Variants in TMC1 observed in about 807,000 individuals in gnomAD.
TMC1 encodes transmembrane channel-like protein 1.
In TMC1, 84 loss-of-function variants were observed where a neutral mutation model predicts 105.8. The ratio of observed to expected loss-of-function variants is 0.79; its 90% confidence interval spans 0.67 to 0.95. The LOEUF (loss-of-function observed/expected upper bound fraction) is 0.95, where lower values mean the gene tolerates loss of function less well. Among genes scored for constraint, TMC1 ranks in the 40% least tolerant of loss-of-function variants. The pLI is 0.00. For synonymous variants in TMC1, 315 were observed against 311.5 expected (o/e 1.01, Z -0.12); for missense variants, 817 against 914.1 (o/e 0.89, Z 1.37).
intron 8 of TMC1, among the ~76,000 whole-genome samples, chr9:72,703,939 ACTTAT>A (rs1343784942): frequency 6.6e-6 from 1 of 152,114 alleles, no homozygotes; most frequent in African/African-American, 2.4e-5. Context: ...TAAGTGCCTG[ACTTAT>A]CTCTCTTTGA....
rs1826087881 is a variant in TMC1, at chr9:72,669,068, G to T, written c.17-19641G>T. Reference sequence around the variant, plus strand: ...GCTTGTAATCCCAGCACTTTGGGAGGCTGAGGTGGGGCAGATCACCTGAGG... The same window carrying T: ...GCTTGTAATCCCAGCACTTTGGGAGTCTGAGGTGGGGCAGATCACCTGAGG... On this transcript the variant is annotated intron_variant, in intron 5 of 23. Transcript: ENST00000297784. Among the ~76,000 whole-genome samples, 6 of 152,306 alleles carry T rather than the reference G, an allele frequency of 3.9e-5. No individual in the cohort carries two copies. The South Asian group carries it at 1.2e-3, about 32-fold the overall frequency.
chr9:72,706,328 A>C (rs999742512), intron 8 of TMC1, among the ~76,000 whole-genome samples: 10 of 152,210 alleles, frequency 6.6e-5, no homozygotes, highest in African/African-American at 2.4e-4. Flanking sequence ...GAGGACATTT[A>C]AGCGTGTGAA....
chr9:72,784,876 G>C (rs1159132438), intron 13 of TMC1, among the ~76,000 whole-genome samples: 1 of 152,140 alleles, frequency 6.6e-6, no homozygotes, highest in African/African-American at 2.4e-5. Context: ...ACTTGTAAAT[G>C]GAAGCTAAAC....
At chr9:72,723,190 A>G (rs1423300052) in intron 8 of TMC1, among the ~76,000 whole-genome samples, 1 of 152,194 alleles carries the variant, frequency 6.6e-6, no homozygotes, top group African/African-American at 2.4e-5. Flanking sequence ...ACTGCTAGCT[A>G]AATGATTTTT....
At chr9:72,614,926 C>T (rs1393755436) in intron 2 of TMC1, among the ~76,000 whole-genome samples, 2 of 152,260 alleles carry the variant, frequency 1.3e-5, no homozygotes, top group African/African-American at 4.8e-5. Context: ...GCAATCCACC[C>T]GCCTTGGCTT....
At chr9:72,638,101 A>G (rs1314166679) in intron 4 of TMC1, among the ~76,000 whole-genome samples, 5 of 152,016 alleles carry the variant, frequency 3.3e-5, no homozygotes, top group Admixed American at 6.6e-5. Context: ...GATCTGCTCA[A>G]AGACAACTTA....
chr9:72,550,991 T>C (rs1050531558), intron 1 of TMC1, among the ~76,000 whole-genome samples: 6 of 152,184 alleles, frequency 3.9e-5, no homozygotes, highest in African/African-American at 1.4e-4. Context: ...TTGAGATCAG[T>C]CAGATTTACA....
chr9:72,724,077 A>G (rs1827076360), intron 8 of TMC1, among the ~76,000 whole-genome samples: 2 of 152,206 alleles, frequency 1.3e-5, no homozygotes, highest in African/African-American at 4.8e-5. Flanking sequence ...ATATTCAAAG[A>G]TGTTTTCCAA....
intron 2 of TMC1, among the ~76,000 whole-genome samples, chr9:72,586,530 A>T (rs1824556576): frequency 6.6e-6 from 1 of 152,168 alleles, no homozygotes; most frequent in South Asian, 2.1e-4. Context: ...CAGAGAGATG[A>T]ATAAGGAAAA....
intron 4 of TMC1, among the ~76,000 whole-genome samples, chr9:72,634,519 G>A: frequency 6.6e-6 from 1 of 152,166 alleles, no homozygotes; most frequent in East Asian, 1.9e-4. Flanking sequence ...CCCCCACCAA[G>A]GAGGGCATTA....
chr9:72,647,087 A>C (rs1825726301), intron 4 of TMC1, among the ~76,000 whole-genome samples: 1 of 149,268 alleles, frequency 6.7e-6, no homozygotes, highest in African/African-American at 2.5e-5. Flanking sequence ...GGTTGCAGTG[A>C]GCTGAGAGCA....
chr9:72,679,938 T>A (rs1169555458), intron 5 of TMC1, among the ~76,000 whole-genome samples: 1 of 152,084 alleles, frequency 6.6e-6, no homozygotes, highest in Non-Finnish European at 1.5e-5. Context: ...GATTCCTGGG[T>A]GTACAGTGCC....
intron 1 of TMC1, among the ~76,000 whole-genome samples, chr9:72,544,602 C>A (rs1467678782): frequency 2.7e-5 from 4 of 150,590 alleles, no homozygotes; most frequent in Non-Finnish European, 5.9e-5. Context: ...GACTCAGCGT[C>A]CTGAGTAACT....
chr9:72,711,215 C>T (rs1826829832), intron 8 of TMC1, among the ~76,000 whole-genome samples: 3 of 152,146 alleles, frequency 2.0e-5, no homozygotes, highest in Non-Finnish European at 4.4e-5. Flanking sequence ...ATGAATAGTG[C>T]TGCAGTAAAC....
intron 13 of TMC1, 71 bp downstream of exon 13, chr9:72,772,626 T>G: frequency 3.1e-6 from 5 of 1,594,930 alleles, no homozygotes; most frequent in Non-Finnish European, 4.3e-6. Context: ...AATTTGGGGA[T>G]TGGATATAAT....
At chr9:72,557,479 C>A (rs138901569) in intron 1 of TMC1, among the ~76,000 whole-genome samples, 239 of 152,254 alleles carry the variant, frequency 1.6e-3, no homozygotes, top group African/African-American at 5.5e-3. Flanking sequence ...TCTGTTCTTT[C>A]CAAATGTTTA....
intron 2 of TMC1, among the ~76,000 whole-genome samples, chr9:72,579,264 GT>G (rs1245086555): frequency 6.6e-6 from 1 of 152,074 alleles, no homozygotes; most frequent in Non-Finnish European, 1.5e-5. Context: ...TCCTAACTCT[GT>G]TACTGCTCAT....
At chr9:72,811,606 C>T (rs1224951786) in intron 18 of TMC1, among the ~76,000 whole-genome samples, 1 of 152,040 alleles carries the variant, frequency 6.6e-6, no homozygotes, top group African/African-American at 2.4e-5. Context: ...AAAGAATATT[C>T]AAGAAGAAAT....
At chr9:72,578,650 T>G (rs1824428022) in intron 2 of TMC1, among the ~76,000 whole-genome samples, 1 of 152,176 alleles carries the variant, frequency 6.6e-6, no homozygotes, top group African/African-American at 2.4e-5. Context: ...GGAGGGAGGT[T>G]ACAAAAGCAT....
Sources: allele counts gnomAD v4.1 joint callset (sites outside exome capture counted in the v4.1 genomes callset), GRCh38; gene constraint gnomAD v4.1.1; transcripts MANE v1.5; gene names NCBI Gene and HGNC (gene_info 2026-07-23, HGNC 2026-07-21).